Variants in RPS6KC1 observed in about 807,000 individuals in gnomAD.
The protein encoded by RPS6KC1 is inactive ribosomal protein S6 kinase delta-1.
RPS6KC1 carries 54 observed loss-of-function variants against 103.8 expected under a neutral mutation model. That is an observed-to-expected ratio of 0.52 (90% CI 0.42 to 0.65). The LOEUF is 0.65. RPS6KC1 is among the 30% of genes least tolerant of loss of function. The pLI is 0.00. For missense variants in RPS6KC1, 1,151 were observed against 1,253.8 expected, an observed-to-expected ratio of 0.92 and a Z score of 1.24; for synonymous variants, 439 against 438.7, an observed-to-expected ratio of 1.00 and a Z score of -0.01.
chr1:213,529,433 G>A, the RPS6KC1 span, among the ~76,000 whole-genome samples: 1 of 152,142 alleles, frequency 6.6e-6, no homozygotes, highest in Non-Finnish European at 1.5e-5. Context: ...TTTAAAAAAT[G>A]TTTTTAATAT....
At chr1:213,726,333 A>G in the RPS6KC1 span, among the ~76,000 whole-genome samples, 4 of 152,188 alleles carry the variant, frequency 2.6e-5, no homozygotes, top group Non-Finnish European at 1.5e-5. Flanking sequence ...CCTTGGCCTC[A>G]CAAAGTGCTA....
At chr1:213,478,430 A>G in the RPS6KC1 span, among the ~76,000 whole-genome samples, 1 of 152,172 alleles carries the variant, frequency 6.6e-6, no homozygotes, top group Non-Finnish European at 1.5e-5. Context: ...TGCAAAAAAA[A>G]TTGTCAAACC....
At chr1:213,346,574 C>T in the RPS6KC1 span, among the ~76,000 whole-genome samples, 1 of 151,478 alleles carries the variant, frequency 6.6e-6, no homozygotes, top group Non-Finnish European at 1.5e-5. Flanking sequence ...GGATAGAAGA[C>T]GGTGAGGGTA....
the RPS6KC1 span, among the ~76,000 whole-genome samples, chr1:213,665,828 C>T: frequency 4.6e-5 from 7 of 152,102 alleles, no homozygotes; most frequent in Non-Finnish European, 1.0e-4. Flanking sequence ...TTCTTCCATA[C>T]TATAAAATAC....
the RPS6KC1 span, among the ~76,000 whole-genome samples, chr1:213,384,206 G>A: frequency 2.0e-5 from 3 of 152,020 alleles, no homozygotes; most frequent in African/African-American, 4.8e-5. Flanking sequence ...AACCCAGGAG[G>A]TGGAGCTTGC....
chr1:213,360,621 A>T, the RPS6KC1 span, among the ~76,000 whole-genome samples: 2 of 152,168 alleles, frequency 1.3e-5, no homozygotes, highest in Admixed American at 1.3e-4. Flanking sequence ...CCTTTGGAGG[A>T]GGAGAAGCGC....
chr1:213,289,550 T>A, the RPS6KC1 span, among the ~76,000 whole-genome samples: 1 of 152,262 alleles, frequency 6.6e-6, no homozygotes, highest in South Asian at 2.1e-4. Flanking sequence ...TTCAGATAAA[T>A]GGCAGAATGG....
chr1:213,053,584 C>T (rs968684588), intron 1 of RPS6KC1, among the ~76,000 whole-genome samples: 1 of 152,206 alleles, frequency 6.6e-6, no homozygotes, highest in East Asian at 1.9e-4. Flanking sequence ...GAAGTTCCAG[C>T]AGACACTACA....
chr1:213,583,839 GAAAAAAGA>G, the RPS6KC1 span, among the ~76,000 whole-genome samples: 2 of 123,752 alleles, frequency 1.6e-5, no homozygotes, highest in African/African-American at 6.1e-5. Context: ...AAAAAAAAAA[GAAAAAAGA>G]AAAAAAAAGA....
intron 8 of RPS6KC1, among the ~76,000 whole-genome samples, chr1:213,183,947 T>C (rs2092409734): frequency 6.6e-6 from 1 of 152,074 alleles, no homozygotes; most frequent in Non-Finnish European, 1.5e-5. Context: ...GGATCTTGCC[T>C]ACATCAAAAG....
the RPS6KC1 span, among the ~76,000 whole-genome samples, chr1:213,696,278 T>G: frequency 6.6e-6 from 1 of 152,016 alleles, no homozygotes; most frequent in Non-Finnish European, 1.5e-5. Context: ...GGCGGGCGGA[T>G]CACCTGAGGT....
At chr1:213,810,161 G>T in the RPS6KC1 span, among the ~76,000 whole-genome samples, 1 of 152,190 alleles carries the variant, frequency 6.6e-6, no homozygotes, top group South Asian at 2.1e-4. Flanking sequence ...GCAAGTTGCT[G>T]CCTAGGGCAG....
At chr1:213,293,280 G>T in the RPS6KC1 span, among the ~76,000 whole-genome samples, 1 of 151,844 alleles carries the variant, frequency 6.6e-6, no homozygotes, top group Non-Finnish European at 1.5e-5. Context: ...GATGTGTGAT[G>T]GATTTTTTTT....
the RPS6KC1 span, among the ~76,000 whole-genome samples, chr1:213,396,167 T>G: frequency 6.6e-6 from 1 of 152,178 alleles, no homozygotes; most frequent in Non-Finnish European, 1.5e-5. Context: ...GAATGTTGGT[T>G]GCATCACTGA....
intron 6 of RPS6KC1, among the ~76,000 whole-genome samples, chr1:213,151,922 G>A (rs548707300): frequency 1.1e-4 from 13 of 117,150 alleles, no homozygotes; most frequent in South Asian, 2.9e-4. Flanking sequence ...CTGGCCGGGC[G>A]GGGGGCTGAC....
the RPS6KC1 span, among the ~76,000 whole-genome samples, chr1:213,499,420 G>A: frequency 1.3e-5 from 2 of 152,344 alleles, no homozygotes; most frequent in African/African-American, 4.8e-5. Context: ...GTAGGTCGGA[G>A]TGGTGGGGAA....
the RPS6KC1 span, among the ~76,000 whole-genome samples, chr1:213,582,781 C>T: frequency 6.6e-6 from 1 of 152,160 alleles, no homozygotes; most frequent in Non-Finnish European, 1.5e-5. Flanking sequence ...AATTTATTTA[C>T]AATAAAATAC....
the RPS6KC1 span, among the ~76,000 whole-genome samples, chr1:213,467,155 G>C: frequency 1.3e-5 from 2 of 152,190 alleles, no homozygotes; most frequent in African/African-American, 4.8e-5. Flanking sequence ...AAGGGGTAAA[G>C]AAGGAAGTGG....
At chr1:213,619,941 A>G in the RPS6KC1 span, among the ~76,000 whole-genome samples, 3 of 152,356 alleles carry the variant, frequency 2.0e-5, no homozygotes, top group Non-Finnish European at 4.4e-5. Flanking sequence ...GTTAACCACA[A>G]TGAGCTTAGG....
Sources: allele counts gnomAD v4.1 joint callset (sites outside exome capture counted in the v4.1 genomes callset), GRCh38; gene constraint gnomAD v4.1.1; transcripts MANE v1.5; gene names NCBI Gene and HGNC (gene_info 2026-07-23, HGNC 2026-07-21).